DDX60: variants seen among roughly 807,000 people sequenced by gnomAD.
DDX60 encodes DExD/H-box helicase 60.
In DDX60, 165 loss-of-function variants were observed where a neutral mutation model predicts 212.8. That is an observed-to-expected ratio of 0.78 (90% CI 0.68 to 0.88). The LOEUF (loss-of-function observed/expected upper bound fraction) is 0.88. Among genes scored for constraint, DDX60 ranks in the 40% least tolerant of loss-of-function variants. DDX60 has a pLI of 0.00. For synonymous variants in DDX60, 703 were observed against 685.3 expected (o/e 1.03, Z -0.40); for missense variants, 1,905 against 2,003.9 (o/e 0.95, Z 0.94).
intron 19 of DDX60, 58 bp from the exon 20 acceptor site, chr4:168,269,027 A>G (rs1734973619): frequency 4.1e-6 from 4 of 985,754 alleles, no homozygotes; most frequent in Non-Finnish European, 4.5e-6. Flanking sequence ...ATAGCAAATG[A>G]AAGTTAAGAC....
chr4:168,298,682 A>T (rs1406728003), intron 6 of DDX60, among the ~76,000 whole-genome samples: 1 of 152,168 alleles, frequency 6.6e-6, no homozygotes, highest in African/African-American at 2.4e-5. Context: ...CTGGACAAAA[A>T]AATAAGTTAA....
At chr4:168,283,653 T>C in intron 12 of DDX60, 47 bp from the exon 13 acceptor site, 1 of 1,409,116 alleles carries the variant, frequency 7.1e-7, no homozygotes, top group Non-Finnish European at 9.7e-7. Flanking sequence ...AGTTTTTCAA[T>C]AGCATTCTCA....
intron 3 of DDX60, 118 bp downstream of exon 3, chr4:168,310,880 T>C: frequency 3.9e-6 from 2 of 514,896 alleles, no homozygotes; most frequent in Middle Eastern, 3.1e-4. Flanking sequence ...AGTTGTTCAG[T>C]GCCCTTAGCC....
At chr4:168,264,891 G>A (rs549583800) in intron 22 of DDX60, among the ~76,000 whole-genome samples, 1 of 152,102 alleles carries the variant, frequency 6.6e-6, no homozygotes, top group Non-Finnish European at 1.5e-5. Flanking sequence ...GAAATAAAAG[G>A]TCACAGATTT....
chr4:168,225,500 G>T, intron 34 of DDX60, 29 bp downstream of exon 34: 1 of 1,565,248 alleles, frequency 6.4e-7, no homozygotes, highest in Non-Finnish European at 8.7e-7. Context: ...TCTTCAAATT[G>T]TTCCACAATG....
intron 25 of DDX60, 41 bp from the exon 26 acceptor site, chr4:168,255,910 A>G: frequency 6.5e-7 from 1 of 1,548,466 alleles, no homozygotes; most frequent in Non-Finnish European, 8.7e-7. Flanking sequence ...ATAACATCAT[A>G]AATACAATTC....
chr4:168,227,623 G>A (rs762151591), intron 33 of DDX60, among the ~76,000 whole-genome samples: 31 of 151,688 alleles, frequency 2.0e-4, no homozygotes, highest in Middle Eastern at 3.4e-3. Flanking sequence ...CTTCTTGTTC[G>A]TTTTGTTATT....
intron 32 of DDX60, 105 bp downstream of exon 32, chr4:168,237,181 T>TAC: frequency 2.7e-6 from 2 of 740,920 alleles, no homozygotes; most frequent in Non-Finnish European, 3.8e-6. Context: ...TACATATTAA[T>TAC]TGTATTTTCT....
intron 8 of DDX60, 138 bp downstream of exon 8, chr4:168,291,610 G>T: frequency 3.6e-6 from 2 of 560,846 alleles, no homozygotes; most frequent in Non-Finnish European, 5.6e-6. Flanking sequence ...ATTGGAAAGT[G>T]ACTGATGTAG....
In DDX60 at chr4:168,276,004, G is replaced by A. The variant is rs1289472592; in HGVS notation, c.2145+11C>T. ...TACCCTGTTGAAATTGAGCTATTCTGATAATATTACCTGGGCTGGATGTAA... is the reference window on the plus strand; with the variant it reads ...TACCCTGTTGAAATTGAGCTATTCTAATAATATTACCTGGGCTGGATGTAA... On this transcript the variant is annotated intron_variant, in intron 15 of 37. Transcript: ENST00000393743. The A allele has an allele frequency of 3.1e-6, 5 of 1,601,302 alleles. No individual in the cohort carries two copies. The African/African-American group carries it at 6.7e-5, about 21-fold the overall frequency.
intron 28 of DDX60, among the ~76,000 whole-genome samples, chr4:168,250,058 A>G (rs895254946): frequency 2.0e-5 from 3 of 152,224 alleles, no homozygotes; most frequent in African/African-American, 7.2e-5. Context: ...TCCTTCATGA[A>G]TTTATCCAGA....
intron 7 of DDX60, among the ~76,000 whole-genome samples, chr4:168,293,337 T>C (rs911293295): frequency 9.9e-5 from 15 of 152,168 alleles, no homozygotes. Context: ...GGACCGGAGT[T>C]CAATCCACCT....
rs1184285216 is a variant in DDX60, at chr4:168,224,377, C to T, written c.4690G>A (p.Gly1564Ser). Reference protein sequence around the residue: ...QLPLSKIKFTGKECEDSQLVS... With the variant: ...QLPLSKIKFTSKECEDSQLVS... ...AGTTGAGAGTCTTCACATTCTTTAC[C>T]TGTGAATTCTGACAATAATAGTTAG... The change falls in exon 35 of 38, where the codon GGT (glycine) becomes AGT (serine). Residue 1564 changes from glycine to serine, a missense_variant. Gly to Ser is a moderately conservative substitution (Grantham distance 56). Coordinates refer to ENST00000393743, the MANE Select transcript of DDX60 (RefSeq NM_017631.6). 1.9e-6 allele frequency: 3 copies of T among 1,611,194 alleles called. No homozygotes were observed. Among genetic ancestry groups the T allele is most frequent in the Non-Finnish European group, 2.5e-6 (3 of 1,178,204 alleles).
chr4:168,286,818 G>A (rs1414646300), intron 10 of DDX60, among the ~76,000 whole-genome samples: 2 of 152,056 alleles, frequency 1.3e-5, no homozygotes, highest in African/African-American at 4.8e-5. Flanking sequence ...ATATATATCT[G>A]GCTGTGTTTT....
intron 21 of DDX60, 35 bp downstream of exon 21, chr4:168,267,806 A>G (rs570727476): frequency 1.9e-6 from 3 of 1,561,606 alleles, no homozygotes; most frequent in African/African-American, 2.8e-5. Context: ...ATAATAAAAT[A>G]AAAGGCAAGC....
chr4:168,234,929 G>T (rs956522534), intron 33 of DDX60, among the ~76,000 whole-genome samples: 2 of 151,984 alleles, frequency 1.3e-5, no homozygotes, highest in African/African-American at 4.8e-5. Flanking sequence ...TCTCTTTCTA[G>T]GTCATGGATT....
chr4:168,282,394 G>A (rs1392762531), intron 13 of DDX60, among the ~76,000 whole-genome samples: 1 of 152,140 alleles, frequency 6.6e-6, no homozygotes. Context: ...TTGACAAAGA[G>A]ATGCACATTT....
intron 6 of DDX60, among the ~76,000 whole-genome samples, chr4:168,294,946 A>G (rs546483): frequency 3.9e-5 from 6 of 152,118 alleles, no homozygotes; most frequent in African/African-American, 1.2e-4. Flanking sequence ...AAAAAACCCA[A>G]CGGCCAATAG....
At chr4:168,324,923 G>A in the DDX60 span, among the ~76,000 whole-genome samples, 6 of 152,204 alleles carry the variant, frequency 3.9e-5, no homozygotes, top group African/African-American at 9.7e-5. Flanking sequence ...GTATATCCAC[G>A]GATGGCCTGG....
Sources: gnomAD v4.1 joint callset for allele counts (sites outside exome capture counted in the v4.1 genomes callset) on GRCh38, gnomAD v4.1.1 for gene constraint, MANE v1.5 for transcripts, NCBI Gene and HGNC (gene_info 2026-07-23, HGNC 2026-07-21) for gene names.